Variants in CCSAP observed in about 807,000 individuals in gnomAD.
CCSAP encodes the protein centriole, cilia and spindle associated protein.
A neutral mutation model predicts 25.9 loss-of-function variants in CCSAP; 17 were observed. That is an observed-to-expected ratio of 0.66 (90% CI 0.45 to 0.99). The LOEUF is 0.99. Among genes scored for constraint, CCSAP ranks in the 50% least tolerant of loss-of-function variants. The pLI, the probability that CCSAP is intolerant of heterozygous loss-of-function variation, is 0.00. For missense variants in CCSAP, 339 were observed against 367.8 expected (o/e 0.92, Z 0.64); for synonymous variants, 169 against 157.1 (o/e 1.08, Z -0.57).
At chr1:229,332,291 G>T (rs920288070) in intron 2 of CCSAP, among the ~76,000 whole-genome samples, 1 of 152,000 alleles carries the variant, frequency 6.6e-6, no homozygotes, top group African/African-American at 2.4e-5. Flanking sequence ...CTCGACTTTC[G>T]ACTGGTGGGA....
intron 2 of CCSAP, among the ~76,000 whole-genome samples, chr1:229,340,173 T>G (rs1658297146): frequency 6.6e-6 from 1 of 152,206 alleles, no homozygotes; most frequent in African/African-American, 2.4e-5. Flanking sequence ...CACTAGTATT[T>G]AAAACCATCC....
Position 229,342,115 on chromosome 1 carries a change from C to T in CCSAP, c.351G>A (p.Glu117=). 2 of 1,348,384 alleles carry T rather than the reference C, an allele frequency of 1.5e-6. No homozygotes were observed. The highest frequency in any genetic ancestry group is 2.1e-5 in the South Asian group (1 of 48,296). 83.5% of individuals were successfully genotyped at this position (1,348,384 alleles called of 1,614,324 possible). ...EAGDAEAEDA[E]DAALPALPVK... ...GCCGGGTACCTGGCAGAGCCGCGTC[C>T]TCCGCGTCCTCGGCCTCCGCGTCCC... is the stretch of plus-strand genomic sequence containing the variant. Residue 117 remains glutamate, a synonymous_variant, in exon 2 of 4, where the codon GAG becomes GAA. Coordinates refer to ENST00000284617, the MANE Select transcript of CCSAP (RefSeq NM_145257.5). This position sits in a 1 kb window ranked among gnomAD's most constrained non-coding sequence, Gnocchi z 7.5.
At chr1:229,329,334 C>T (rs966611535) in intron 2 of CCSAP, among the ~76,000 whole-genome samples, 1 of 151,938 alleles carries the variant, frequency 6.6e-6, no homozygotes, top group African/African-American at 2.4e-5. Context: ...AAAGAGAATT[C>T]CAGAAAGAGG....
chr1:229,333,468 A>G (rs1321706195), intron 2 of CCSAP, among the ~76,000 whole-genome samples: 1 of 150,478 alleles, frequency 6.6e-6, no homozygotes, highest in East Asian at 1.9e-4. Flanking sequence ...TAAATAACCT[A>G]TAGGTCAAAG....
chr1:229,328,300 T>C (rs1467685149), intron 2 of CCSAP, among the ~76,000 whole-genome samples: 1 of 151,794 alleles, frequency 6.6e-6, no homozygotes, highest in Non-Finnish European at 1.5e-5. Context: ...ATGATTTTAT[T>C]TTTTTTGTTT....
At chr1:229,339,700 A>G (rs74902351) in intron 2 of CCSAP, among the ~76,000 whole-genome samples, 1,849 of 152,290 alleles carry the variant, frequency 0.012, 40 homozygotes, top group African/African-American at 0.042. Flanking sequence ...GCCCTGGGAG[A>G]GGCATCTTAA....
chr1:229,341,478 C>G (rs555494464), intron 2 of CCSAP, among the ~76,000 whole-genome samples: 2 of 152,320 alleles, frequency 1.3e-5, no homozygotes, highest in Admixed American at 6.5e-5. Context: ...GCAGCGCCAC[C>G]GGCGCTTTCG....
At chr1:229,331,787 T>TTTATTATTATTATTA (rs139107975) in intron 2 of CCSAP, among the ~76,000 whole-genome samples, 93 of 140,634 alleles carry the variant, frequency 6.6e-4, no homozygotes, top group Admixed American at 2.0e-3. Context: ...CTAATATCCT[T>TTTATTATTATTATTA]TTATTATTAT....
intron 2 of CCSAP, among the ~76,000 whole-genome samples, chr1:229,337,678 A>AAAAAT: frequency 7.6e-5 from 5 of 65,506 alleles, no homozygotes; most frequent in South Asian, 4.0e-4. Flanking sequence ...CTCAAAAAAA[A>AAAAAT]ATATATATAT....
intron 2 of CCSAP, chr1:229,327,504 G>A (rs1173131540): frequency 1.3e-5 from 6 of 455,826 alleles, no homozygotes; most frequent in African/African-American, 8.0e-5. Context: ...AAGCCCCTCC[G>A]CACAACAGGG....
intron 2 of CCSAP, among the ~76,000 whole-genome samples, chr1:229,333,887 T>A (rs1055856244): frequency 5.3e-5 from 8 of 152,022 alleles, no homozygotes; most frequent in Non-Finnish European, 8.8e-5. Context: ...TCTCAAAAAA[T>A]AATAATAATA....
intron 2 of CCSAP, among the ~76,000 whole-genome samples, chr1:229,330,683 A>C (rs760014657): frequency 1.1e-4 from 17 of 152,098 alleles, no homozygotes; most frequent in Non-Finnish European, 2.4e-4. Flanking sequence ...TCTAGTAAAA[A>C]TACAAAAACT....
At chr1:229,341,552 A>G (rs1434390527) in intron 2 of CCSAP, among the ~76,000 whole-genome samples, 1 of 152,226 alleles carries the variant, frequency 6.6e-6, no homozygotes, top group African/African-American at 2.4e-5. Context: ...ACTTATAAAG[A>G]TGCTCTCACA....
intron 2 of CCSAP, among the ~76,000 whole-genome samples, chr1:229,327,867 CAAA>C (rs765651478): frequency 3.1e-3 from 284 of 91,776 alleles, no homozygotes; most frequent in African/African-American, 9.1e-3. Context: ...GACTCCGTCT[CAAA>C]AAAAAAAAAA....
At chr1:229,341,848 C>A (rs191831478) in intron 2 of CCSAP, among the ~76,000 whole-genome samples, 1 of 152,118 alleles carries the variant, frequency 6.6e-6, no homozygotes, top group Non-Finnish European at 1.5e-5. Context: ...GGAAAGACCC[C>A]AGACTCAGCC....
chr1:229,326,051 G>C (rs1172898359), intron 3 of CCSAP, among the ~76,000 whole-genome samples: 1 of 152,154 alleles, frequency 6.6e-6, no homozygotes, highest in African/African-American at 2.4e-5. Context: ...TTCCTTAAAC[G>C]CAGCCTTTGC....
At chr1:229,333,099 CA>C (rs1227049842) in intron 2 of CCSAP, among the ~76,000 whole-genome samples, 1 of 152,058 alleles carries the variant, frequency 6.6e-6, no homozygotes, top group African/African-American at 2.4e-5. Context: ...CTAGATACAA[CA>C]AAAAAACTTC....
rs375851502 is a variant in CCSAP at position 229,342,093 on chromosome 1, G to A, written c.367+6C>T. On this transcript the variant is annotated splice_donor_region_variant and intron_variant, in intron 2 of 3. Transcript: ENST00000284617. This position sits in a 1 kb window ranked among gnomAD's most constrained non-coding sequence, Gnocchi z 7.5. Reference sequence around the variant, plus strand: ...GGCCCCTCGCGCTCCCCTCCGGGCCGGGTACCTGGCAGAGCCGCGTCCTCC... The same window carrying A: ...GGCCCCTCGCGCTCCCCTCCGGGCCAGGTACCTGGCAGAGCCGCGTCCTCC... The A allele has an allele frequency of 3.1e-5, 41 of 1,339,116 alleles. No homozygotes were observed. The East Asian group carries it at 9.0e-4, about 29-fold the overall frequency. The allele number at this position is 1,339,116 out of a possible 1,614,324, so 83.0% of individuals were successfully genotyped here. A position where few individuals can be genotyped will look rare whatever the true frequency, so the allele number is the denominator to read the frequency against.
chr1:229,333,975 A>C (rs2102696246), intron 2 of CCSAP, among the ~76,000 whole-genome samples: 1 of 152,336 alleles, frequency 6.6e-6, no homozygotes, highest in South Asian at 2.1e-4. Flanking sequence ...CAAAATTCCA[A>C]GTAGTGGTAA....
Sources: gnomAD v4.1 joint callset for allele counts (sites outside exome capture counted in the v4.1 genomes callset) on GRCh38, gnomAD v4.1.1 for gene constraint, Gnocchi (gnomAD v3.1) non-coding constraint, MANE v1.5 for transcripts, NCBI Gene and HGNC (gene_info 2026-07-23, HGNC 2026-07-21) for gene names.